Variants in HEATR4 observed in about 807,000 individuals in gnomAD.
The protein encoded by HEATR4 is HEAT repeat-containing protein 4.
Under a neutral mutation model 108.8 loss-of-function variants are expected in HEATR4, and 95 were observed. That is an observed-to-expected ratio of 0.87 (90% CI 0.74 to 1.04). HEATR4 has a LOEUF of 1.04. Ranked by LOEUF, HEATR4 falls within the 50% of genes least tolerant of loss-of-function variation. The pLI, the probability that HEATR4 is intolerant of heterozygous loss-of-function variation, is 0.00. For missense variants in HEATR4, 1,152 were observed against 1,253.8 expected, an observed-to-expected ratio of 0.92 and a Z score of 1.23; for synonymous variants, 443 against 459.4, an observed-to-expected ratio of 0.96 and a Z score of 0.46.
In HEATR4 at chr14:73,505,818, C is replaced by T. The variant is rs77709641; in HGVS notation, c.1986+649G>A. 3.2e-3 allele frequency among the ~76,000 whole-genome samples: 484 copies of T among 149,106 alleles called. 13 individuals are homozygous for T. The East Asian group carries it at 0.057, about 18-fold the overall frequency. On this transcript the variant is annotated intron_variant, in intron 10 of 17. Transcript: ENST00000553558. ...ATCTTTGATGAAGAACCAATTTTGG[C>T]GGGGGGGAAATATGTCATTGACTGA...
At chr14:73,593,543 A>G in the HEATR4 span, among the ~76,000 whole-genome samples, 2 of 151,586 alleles carry the variant, frequency 1.3e-5, no homozygotes, top group Admixed American at 1.3e-4. Flanking sequence ...GGGTCTCACT[A>G]CATTGTCCAG....
chr14:73,599,417 G>A, the HEATR4 span, among the ~76,000 whole-genome samples: 1 of 152,130 alleles, frequency 6.6e-6, no homozygotes, highest in African/African-American at 2.4e-5. Context: ...CTGCAAATGG[G>A]ACAGGACTGG....
the HEATR4 span, among the ~76,000 whole-genome samples, chr14:73,588,962 G>A: frequency 2.0e-5 from 3 of 151,926 alleles, no homozygotes; most frequent in Non-Finnish European, 2.9e-5. Flanking sequence ...AAATTGAGCA[G>A]AAGGTAGTGA....
intron 6 of HEATR4, 52 bp from the exon 7 acceptor site, chr14:73,512,201 A>G (rs774743487): frequency 6.3e-7 from 1 of 1,599,008 alleles, no homozygotes; most frequent in Admixed American, 1.7e-5. Context: ...AGGGTTAGAT[A>G]TTGTGCTGCA....
the HEATR4 span, among the ~76,000 whole-genome samples, chr14:73,572,511 A>T: frequency 6.6e-6 from 1 of 151,588 alleles, no homozygotes; most frequent in Non-Finnish European, 1.5e-5. Flanking sequence ...AAGAAAACCA[A>T]GAGTGATACA....
At chr14:73,617,794 A>AT in the HEATR4 span, among the ~76,000 whole-genome samples, 1 of 152,186 alleles carries the variant, frequency 6.6e-6, no homozygotes. Context: ...GGGTATGATA[A>AT]TGGTATTATG....
the HEATR4 span, among the ~76,000 whole-genome samples, chr14:73,577,774 G>A: frequency 2.6e-5 from 4 of 151,988 alleles, no homozygotes; most frequent in Non-Finnish European, 5.9e-5. Context: ...AGCTACTTGG[G>A]AGGCTGAGGC....
At chr14:73,625,047 C>G in the HEATR4 span, among the ~76,000 whole-genome samples, 1 of 151,642 alleles carries the variant, frequency 6.6e-6, no homozygotes, top group Non-Finnish European at 1.5e-5. Context: ...ACGGTCTTTT[C>G]ATTATTTTAT....
rs1265773939 is a variant in HEATR4 at position 73,492,183 on chromosome 14, C to G, written c.2844+883G>C. The G allele has an allele frequency of 6.2e-7, 1 of 1,613,994 alleles. No individual in the cohort carries two copies. The highest frequency in any genetic ancestry group is 1.1e-5 in the South Asian group (1 of 91,082). Reference sequence around the variant, plus strand: ...GACCTCGGTGAGCCGGTGCTGCAGACCGTGCTGGAACCTGGAGATTTGCTG... The same window carrying G: ...GACCTCGGTGAGCCGGTGCTGCAGAGCGTGCTGGAACCTGGAGATTTGCTG... On this transcript the variant is annotated intron_variant, in intron 17 of 17. Transcript: ENST00000553558. The surrounding 1 kb of genome is among the most constrained non-coding windows in gnomAD (Gnocchi z 4.9).
At chr14:73,619,317 C>T in the HEATR4 span, 10 of 1,613,632 alleles carry the variant, frequency 6.2e-6, no homozygotes, top group African/African-American at 1.1e-4. Context: ...TGAAGGGCAT[C>T]ACAGCCACTG....
chr14:73,589,943 C>G, the HEATR4 span, among the ~76,000 whole-genome samples: 1 of 152,178 alleles, frequency 6.6e-6, no homozygotes, highest in Non-Finnish European at 1.5e-5. Flanking sequence ...TTCGTTCCTC[C>G]TGGTGAGTTC....
intron 6 of HEATR4, among the ~76,000 whole-genome samples, chr14:73,512,826 G>A (rs899751511): frequency 1.3e-5 from 2 of 151,962 alleles, no homozygotes; most frequent in African/African-American, 4.8e-5. Context: ...AGTCTTTTTT[G>A]TTATTGTTTA....
chr14:73,574,897 C>G, the HEATR4 span: 1 of 1,612,988 alleles, frequency 6.2e-7, no homozygotes, highest in African/African-American at 1.3e-5. Context: ...TTTCCTTTGT[C>G]CCTTTCTCAG....
chr14:73,559,527 A>C (rs575198797), upstream of HEATR4, among the ~76,000 whole-genome samples: 59 of 150,754 alleles, frequency 3.9e-4, 2 homozygotes, highest in East Asian at 8.1e-4. Flanking sequence ...GTCAGGAGTT[A>C]GAGACCAGCC....
At chr14:73,481,581 C>T (rs1885258849) in intron 17 of HEATR4, among the ~76,000 whole-genome samples, 1 of 152,130 alleles carries the variant, frequency 6.6e-6, no homozygotes, top group African/African-American at 2.4e-5. Flanking sequence ...TGGCTCATGC[C>T]TGTAATCCCA....
At chr14:73,530,794 ATTTTTTTTTTT>A (rs59208614) in intron 1 of HEATR4, among the ~76,000 whole-genome samples, 3 of 57,772 alleles carry the variant, frequency 5.2e-5, no homozygotes, top group African/African-American at 6.7e-5. Flanking sequence ...TCTCGGTTAA[ATTTTTTTTTTT>A]TTTTTTTTTT....
In HEATR4 at chr14:73,508,310, G is replaced by GA. The variant is rs776729195; in HGVS notation, c.1721-17dup. On this transcript the variant is annotated splice_polypyrimidine_tract_variant and intron_variant, in intron 8 of 17. Transcript: ENST00000553558. ...ACACTGTTACCTGCCACAGTTGGGT[G>GA]AAAAAGAGTTCAGAATGGTGATGTG... The GA allele has an allele frequency of 8.1e-6, 13 of 1,611,840 alleles. No homozygotes were observed. In the African/African-American group the frequency reaches 1.7e-4, roughly 22 times the overall value.
At chr14:73,600,295 T>C in the HEATR4 span, among the ~76,000 whole-genome samples, 6 of 152,148 alleles carry the variant, frequency 3.9e-5, no homozygotes, top group African/African-American at 1.4e-4. Context: ...CCTCCTGAGT[T>C]GAAACCTTTA....
In HEATR4 at chr14:73,509,492, G is replaced by A; in HGVS notation, c.1559-19C>T. The A allele has an allele frequency of 6.2e-7, 1 of 1,612,902 alleles. No individual in the cohort carries two copies. The highest frequency in any genetic ancestry group is 8.5e-7 in the Non-Finnish European group (1 of 1,179,658). On this transcript the variant is annotated intron_variant, in intron 7 of 17. Transcript: ENST00000553558. ...GTCTTGTCTGTGATCAAAAGAGCCA[G>A]GTAAGAGAGTACTAGCCCCTTTGCT...
Sources: gnomAD v4.1 joint callset for allele counts (sites outside exome capture counted in the v4.1 genomes callset) on GRCh38, gnomAD v4.1.1 for gene constraint, Gnocchi (gnomAD v3.1) non-coding constraint, MANE v1.5 for transcripts, NCBI Gene and HGNC (gene_info 2026-07-23, HGNC 2026-07-21) for gene names.